Variants in TRAPPC10 observed in about 807,000 individuals in gnomAD.
TRAPPC10 encodes trafficking protein particle complex subunit 10.
TRAPPC10 carries 23 observed loss-of-function variants against 125.5 expected under a neutral mutation model. The observed-to-expected ratio is 0.18, with a 90% confidence interval of 0.13 to 0.26. The LOEUF (loss-of-function observed/expected upper bound fraction) is 0.26, where lower values mean the gene tolerates loss of function less well. Ranked by LOEUF, TRAPPC10 falls within the 10% of genes least tolerant of loss-of-function variation. The pLI is 1.00. For synonymous variants in TRAPPC10, 509 were observed against 518.0 expected, an observed-to-expected ratio of 0.98 and a Z score of 0.24; for missense variants, 1,123 against 1,308.4, an observed-to-expected ratio of 0.86 and a Z score of 2.19.
At chr21:44,077,809 G>C (rs1409767497) in intron 11 of TRAPPC10, 25 bp downstream of exon 11, 1 of 1,541,906 alleles carries the variant, frequency 6.5e-7, no homozygotes, top group African/African-American at 1.4e-5. Context: ...ACTTTTCTTT[G>C]AATTCTAAAC....
chr21:44,073,730 G>C lies in TRAPPC10; in HGVS notation c.1039-594G>C, dbSNP rs527476276. Among the ~76,000 whole-genome samples the C allele has an allele frequency of 3.9e-5, 6 of 152,290 alleles. No individual in the cohort carries two copies. The East Asian group carries it at 1.2e-3, about 29-fold the overall frequency. The stretch of plus-strand genomic sequence containing the variant: ...ACCTGTAAATACTGCAGTGTATAGG[G>C]AGCAATAGGGAGCTCTTTTTCCCAA... On this transcript the variant is annotated intron_variant, in intron 7 of 22. Transcript: ENST00000291574.
At chr21:44,092,414 G>A (rs2038647539) in intron 19 of TRAPPC10, among the ~76,000 whole-genome samples, 1 of 152,216 alleles carries the variant, frequency 6.6e-6, no homozygotes, top group East Asian at 1.9e-4. Context: ...CCGACACCTT[G>A]GTGCCTTTGT....
chr21:44,076,830 C>A lies in TRAPPC10; in HGVS notation c.1377+202C>A, dbSNP rs536645858. ...GTGTATTAGTGCCCATGGTACCATGCTAGGCATGGAATCATCTTTGAATAT... is the reference window on the plus strand; with the variant it reads ...GTGTATTAGTGCCCATGGTACCATGATAGGCATGGAATCATCTTTGAATAT... On this transcript the variant is annotated intron_variant, in intron 10 of 22. Coordinates refer to ENST00000291574, the MANE Select transcript of TRAPPC10 (RefSeq NM_003274.5). Among the ~76,000 whole-genome samples the A allele has an allele frequency of 4.6e-5, 7 of 152,226 alleles. No homozygotes were observed. In the East Asian group the frequency reaches 1.3e-3, roughly 29 times the overall value.
intron 1 of TRAPPC10, among the ~76,000 whole-genome samples, chr21:44,012,973 A>G (rs1352166656): frequency 6.6e-6 from 1 of 152,136 alleles, no homozygotes; most frequent in Non-Finnish European, 1.5e-5. Context: ...TTCCCCGACT[A>G]CGGGGAAGTC....
intron 1 of TRAPPC10, among the ~76,000 whole-genome samples, chr21:44,013,883 A>G (rs1459899658): frequency 6.6e-6 from 1 of 152,178 alleles, no homozygotes; most frequent in Non-Finnish European, 1.5e-5. Context: ...CCTACTCTGC[A>G]CCTTCAGCCC....
chr21:44,088,043 G>T, intron 17 of TRAPPC10, 115 bp downstream of exon 17: 2 of 881,286 alleles, frequency 2.3e-6, no homozygotes, highest in South Asian at 1.6e-5. Context: ...GATTCCCGAT[G>T]CCCTGGGCAT....
chr21:44,022,987 A>G (rs1015289896), intron 1 of TRAPPC10, among the ~76,000 whole-genome samples: 1 of 149,846 alleles, frequency 6.7e-6, no homozygotes, highest in African/African-American at 2.5e-5. Context: ...CTAATTCCCT[A>G]AAGGTTGCAA....
chr21:44,070,164 A>G (rs1261695362), intron 7 of TRAPPC10, among the ~76,000 whole-genome samples: 1 of 152,090 alleles, frequency 6.6e-6, no homozygotes, highest in Non-Finnish European at 1.5e-5. Flanking sequence ...GGACTCATGT[A>G]CCTTCCAGTG....
At chr21:44,060,692 CA>C (rs2035970055) in intron 6 of TRAPPC10, among the ~76,000 whole-genome samples, 1 of 151,862 alleles carries the variant, frequency 6.6e-6, no homozygotes. Context: ...CCTCTGCCTC[CA>C]GGGTTCAAGC....
At chr21:44,045,632 A>G (rs1018764101) in intron 3 of TRAPPC10, among the ~76,000 whole-genome samples, 4 of 150,152 alleles carry the variant, frequency 2.7e-5, no homozygotes, top group East Asian at 2.0e-4. Context: ...GCTCACTGCA[A>G]CCTCCGCCTC....
chr21:44,064,022 A>G (rs1315787387), intron 7 of TRAPPC10, among the ~76,000 whole-genome samples: 5 of 152,184 alleles, frequency 3.3e-5, no homozygotes, highest in African/African-American at 1.2e-4. Context: ...AGCCTCTTAG[A>G]TGAGCTTCTC....
intron 1 of TRAPPC10, among the ~76,000 whole-genome samples, chr21:44,022,629 A>T (rs1340852947): frequency 6.6e-6 from 1 of 151,884 alleles, no homozygotes; most frequent in African/African-American, 2.4e-5. Flanking sequence ...ACGTTTCTTA[A>T]TACCAAATAT....
intron 6 of TRAPPC10, among the ~76,000 whole-genome samples, chr21:44,061,903 GGCA>G (rs1432769465): frequency 6.6e-6 from 1 of 152,194 alleles, no homozygotes; most frequent in African/African-American, 2.4e-5. Context: ...TCTAACTGAG[GGCA>G]TTTGTTAGCC....
At chr21:44,074,604 G>C (rs755495651) in intron 8 of TRAPPC10, 134 bp downstream of exon 8, 18 of 1,179,174 alleles carry the variant, frequency 1.5e-5, no homozygotes, top group Non-Finnish European at 1.8e-5. Flanking sequence ...GGCCCTAGAA[G>C]GTGTCTGGGT....
intron 1 of TRAPPC10, among the ~76,000 whole-genome samples, chr21:44,013,551 G>T (rs1183984160): frequency 6.6e-6 from 1 of 152,202 alleles, no homozygotes; most frequent in African/African-American, 2.4e-5. Context: ...TGTATGTCGT[G>T]AGAACTCCTG....
chr21:44,046,296 A>G, intron 3 of TRAPPC10: 1 of 247,706 alleles, frequency 4.0e-6, no homozygotes, highest in Non-Finnish European at 8.9e-6. Flanking sequence ...CCAACACTGG[A>G]CAGCTGGTAG....
intron 1 of TRAPPC10, 38 bp from the exon 2 acceptor site, chr21:44,032,052 TA>T: frequency 6.4e-7 from 1 of 1,564,216 alleles, no homozygotes. Context: ...TGTATTCACC[TA>T]AAAATATGGT....
chr21:44,036,392 C>T lies in TRAPPC10; in HGVS notation c.150-1400C>T, dbSNP rs150144030. On this transcript the variant is annotated intron_variant, in intron 2 of 22. Transcript: ENST00000291574. ...ACAGCTTCCCACCCTGAGGGCCTTG[C>T]GTGAGCCACAGGTGCTGAGAGATTT... is the stretch of plus-strand genomic sequence containing the variant. 3.8e-4 allele frequency among the ~76,000 whole-genome samples: 58 copies of T among 152,342 alleles called. 1 individual carries two copies. The Middle Eastern group carries it at 0.02, about 54-fold the overall frequency.
intron 19 of TRAPPC10, among the ~76,000 whole-genome samples, chr21:44,093,515 T>C (rs2038724947): frequency 6.6e-6 from 1 of 151,742 alleles, no homozygotes; most frequent in African/African-American, 2.4e-5. Flanking sequence ...CCCAGCACTT[T>C]GGGAGGCCGA....
Sources: allele counts gnomAD v4.1 joint callset (sites outside exome capture counted in the v4.1 genomes callset), GRCh38; gene constraint gnomAD v4.1.1; transcripts MANE v1.5; gene names NCBI Gene and HGNC (gene_info 2026-07-23, HGNC 2026-07-21).